The following RAD51C variants were observed in gnomAD, a reference collection of about 807,000 sequenced individuals.
RAD51C encodes the protein RAD51 paralog C.
In RAD51C, 42 loss-of-function variants were observed where a neutral mutation model predicts 45.0. That is an observed-to-expected ratio of 0.93 (90% CI 0.73 to 1.21). The LOEUF (loss-of-function observed/expected upper bound fraction) is 1.21. RAD51C is among the 50% of genes most tolerant of loss of function. The pLI is 0.00. For synonymous variants in RAD51C, 172 were observed against 159.8 expected, an observed-to-expected ratio of 1.08 and a Z score of -0.58; for missense variants, 474 against 452.2, an observed-to-expected ratio of 1.05 and a Z score of -0.44.
intron 6 of RAD51C, among the ~76,000 whole-genome samples, 154 bp from the exon 7 acceptor site, chr17:58,723,886 C>T (rs982002369): frequency 6.6e-6 from 1 of 152,154 alleles, no homozygotes; most frequent in African/African-American, 2.4e-5. Context: ...CTTGTAATCT[C>T]AGGATATTAC....
intron 6 of RAD51C, among the ~76,000 whole-genome samples, chr17:58,721,316 T>C (rs1002473393): frequency 3.3e-5 from 5 of 152,056 alleles, no homozygotes; most frequent in Non-Finnish European, 7.4e-5. Context: ...AACTGTTGTG[T>C]CAAAGATTCT....
rs574606943 is a variant in RAD51C at position 58,730,315 on chromosome 17, C to G, written c.966-2169C>G. Among the ~76,000 whole-genome samples, 16 of 151,608 alleles carry G rather than the reference C, an allele frequency of 1.1e-4. No individual in the cohort carries two copies. Among genetic ancestry groups the G allele is most frequent in the Non-Finnish European group, 1.9e-4 (13 of 67,900 alleles). ...CAGTAGCTGGGATTACAGGTGCGTGCCACCACGCCCAGCTAATTTTTTTTT... is the reference window on the plus strand; with the variant it reads ...CAGTAGCTGGGATTACAGGTGCGTGGCACCACGCCCAGCTAATTTTTTTTT... On this transcript the variant is annotated intron_variant, in intron 7 of 8. Coordinates refer to ENST00000337432, the MANE Select transcript of RAD51C (RefSeq NM_058216.3).
At position 58,698,820 on chromosome 17, in the gene RAD51C, G is replaced by T. The variant is rs572574502; in HGVS notation, c.571+1961G>T. On this transcript the variant is annotated intron_variant, in intron 3 of 8. Coordinates refer to ENST00000337432, the MANE Select transcript of RAD51C (RefSeq NM_058216.3). ...ACCTGTAATCCCAGCTACTCAGGAGGATGAGGCAGGAGAATCGCTTGAACC... is the reference window on the plus strand; with the variant it reads ...ACCTGTAATCCCAGCTACTCAGGAGTATGAGGCAGGAGAATCGCTTGAACC... Among the ~76,000 whole-genome samples, 10 of 150,568 alleles carry T rather than the reference G, an allele frequency of 6.6e-5. No homozygotes were observed. The South Asian group carries it at 1.5e-3, about 22-fold the overall frequency.
intron 5 of RAD51C, among the ~76,000 whole-genome samples, chr17:58,715,843 G>A (rs896154149): frequency 3.3e-5 from 5 of 151,938 alleles, no homozygotes; most frequent in African/African-American, 1.2e-4. Flanking sequence ...GGTGGCTCAC[G>A]CCTGTAATCC....
At chr17:58,725,044 A>C (rs1193333634) in intron 7 of RAD51C, among the ~76,000 whole-genome samples, 1 of 152,164 alleles carries the variant, frequency 6.6e-6, no homozygotes, top group African/African-American at 2.4e-5. Flanking sequence ...ACTTCTGTAT[A>C]TATCTTTTGC....
At chr17:58,702,056 C>T (rs1431939067) in intron 3 of RAD51C, among the ~76,000 whole-genome samples, 1 of 151,178 alleles carries the variant, frequency 6.6e-6, no homozygotes, top group Non-Finnish European at 1.5e-5. Flanking sequence ...AGTACAGTGC[C>T]GCTATCATTG....
chr17:58,724,321 G>A (rs1191830928), intron 7 of RAD51C, among the ~76,000 whole-genome samples: 1 of 152,028 alleles, frequency 6.6e-6, no homozygotes, highest in East Asian at 1.9e-4. Context: ...TTTAAATGAT[G>A]GGGCGCATGC....
intron 5 of RAD51C, among the ~76,000 whole-genome samples, chr17:58,715,401 C>A (rs1249941956): frequency 6.7e-6 from 1 of 149,968 alleles, no homozygotes; most frequent in Admixed American, 6.7e-5. Context: ...TTGCAGCAAG[C>A]CAGGACCGCG....
At chr17:58,718,706 A>G (rs764433521) in intron 5 of RAD51C, among the ~76,000 whole-genome samples, 14 of 152,146 alleles carry the variant, frequency 9.2e-5, no homozygotes, top group Non-Finnish European at 1.6e-4. Context: ...TGACCTGACT[A>G]CTAGGATTTT....
At chr17:58,703,555 AT>A (rs1312542880) in intron 4 of RAD51C, among the ~76,000 whole-genome samples, 2 of 152,184 alleles carry the variant, frequency 1.3e-5, no homozygotes, top group East Asian at 3.8e-4. Flanking sequence ...TAGAAGTTTC[AT>A]TTCCAGTAAT....
chr17:58,718,491 C>T (rs2048813997), intron 5 of RAD51C, among the ~76,000 whole-genome samples: 1 of 152,160 alleles, frequency 6.6e-6, no homozygotes. Flanking sequence ...ACAGATCTGA[C>T]TTCTGTGTTA....
chr17:58,718,380 A>G (rs930535005), intron 5 of RAD51C, among the ~76,000 whole-genome samples: 3 of 152,122 alleles, frequency 2.0e-5, no homozygotes, highest in South Asian at 2.1e-4. Context: ...TTTCATTATC[A>G]GTTTTAGTTT....
intron 4 of RAD51C, chr17:58,706,414 A>C (rs2048380725): frequency 3.3e-6 from 1 of 306,388 alleles, no homozygotes; most frequent in Non-Finnish European, 7.0e-6. Context: ...TGAGTGACAG[A>C]GTGAGACTCC....
At chr17:58,710,985 A>G (rs940735437) in intron 5 of RAD51C, among the ~76,000 whole-genome samples, 5 of 152,210 alleles carry the variant, frequency 3.3e-5, no homozygotes, top group Admixed American at 3.3e-4. Flanking sequence ...AATACATCAT[A>G]AGTAAATAAA....
intron 5 of RAD51C, among the ~76,000 whole-genome samples, chr17:58,717,882 G>T (rs2048793497): frequency 6.6e-6 from 1 of 152,206 alleles, no homozygotes; most frequent in African/African-American, 2.4e-5. Context: ...CATCCACTTG[G>T]TATCTAATTG....
At chr17:58,719,499 A>G (rs1239491620) in intron 5 of RAD51C, among the ~76,000 whole-genome samples, 1 of 152,006 alleles carries the variant, frequency 6.6e-6, no homozygotes, top group South Asian at 2.1e-4. Context: ...CCTGGGCAAC[A>G]TAGCAAGACC....
chr17:58,710,585 A>G (rs951375604), intron 5 of RAD51C, among the ~76,000 whole-genome samples: 2 of 150,714 alleles, frequency 1.3e-5, no homozygotes, highest in Non-Finnish European at 3.0e-5. Context: ...TATACTTTGG[A>G]TGTTTTTCAG....
chr17:58,731,678 G>T (rs944973614), intron 7 of RAD51C, among the ~76,000 whole-genome samples: 3 of 152,128 alleles, frequency 2.0e-5, no homozygotes, highest in African/African-American at 7.2e-5. Context: ...TATATTAATT[G>T]TATAAGACAT....
intron 3 of RAD51C, among the ~76,000 whole-genome samples, chr17:58,701,146 G>C (rs970299069): frequency 6.6e-6 from 1 of 151,564 alleles, no homozygotes; most frequent in Non-Finnish European, 1.5e-5. Flanking sequence ...AGAGATCTGC[G>C]TGCCTTGGCC....
Sources: allele counts gnomAD v4.1 joint callset (sites outside exome capture counted in the v4.1 genomes callset), GRCh38; gene constraint gnomAD v4.1.1; transcripts MANE v1.5; gene names NCBI Gene and HGNC (gene_info 2026-07-23, HGNC 2026-07-21).